The following USP6NL variants were observed in gnomAD, a reference collection of about 807,000 sequenced individuals.
USP6NL encodes the protein USP6 N-terminal-like protein.
USP6NL carries 26 observed loss-of-function variants against 61.9 expected under a neutral mutation model. That is an observed-to-expected ratio of 0.42 (90% CI 0.31 to 0.58). The LOEUF is 0.58. USP6NL is among the 20% of genes least tolerant of loss of function. The pLI is 0.16. For missense variants in USP6NL, 1,114 were observed against 1,034.3 expected (o/e 1.08, Z -1.06); for synonymous variants, 432 against 390.1 (o/e 1.11, Z -1.27).
rs1832959903 is a variant in USP6NL, at chr10:11,476,144, T to C, written c.1078+5626A>G. 1.3e-5 allele frequency among the ~76,000 whole-genome samples: 2 copies of C among 152,200 alleles called. No homozygotes were observed. The highest frequency in any genetic ancestry group is 6.5e-5 in the Admixed American group (1 of 15,282). ...TTAAGCCCATAACAAATACAAAATG[T>C]AGCCCTGACTAAGTGCTGGTGAGAA... On this transcript the variant is annotated intron_variant, in intron 14 of 14. Transcript: ENST00000609104. The surrounding 1 kb of genome is among the most constrained non-coding windows in gnomAD (Gnocchi z 4.3).
At chr10:11,526,477 G>T (rs2133399920) in intron 3 of USP6NL, among the ~76,000 whole-genome samples, 1 of 152,296 alleles carries the variant, frequency 6.6e-6, no homozygotes, top group East Asian at 1.9e-4. Context: ...AGTGACACTG[G>T]TTTTAAATTA....
At position 11,600,671 on chromosome 10, in the gene USP6NL, A is replaced by C. The variant is rs1838490134; in HGVS notation, c.-83-2954T>G. The stretch of plus-strand genomic sequence containing the variant: ...AAACACATAAAGGTGAGAAATAAGC[A>C]TTAAAAATGTTTATCAGGCTGGGCA... On this transcript the variant is annotated intron_variant, in intron 1 of 14. Transcript: ENST00000609104. This position sits in a 1 kb window ranked among gnomAD's most constrained non-coding sequence, Gnocchi z 4.1. Among the ~76,000 whole-genome samples the C allele has an allele frequency of 6.6e-6, 1 of 152,236 alleles. No individual in the cohort carries two copies. The highest frequency in any genetic ancestry group is 2.4e-5 in the African/African-American group (1 of 41,466).
In USP6NL at chr10:11,485,031, T is replaced by C; in HGVS notation, c.865A>G (p.Ile289Val). ...TLNLRIWDIY[I>V]FEGERVLTAM... The stretch of plus-strand genomic sequence containing the variant: ...GTAAGAACTCGTTCTCCTTCAAAGA[T>C]GTAGATATCCCATATTCTGAGGTTT... The change falls in exon 13 of 15, where the codon ATC (isoleucine) becomes GTC (valine). Residue 289 changes from isoleucine to valine, a missense_variant. By Grantham distance (29) the Ile-to-Val change is conservative. Coordinates refer to ENST00000609104, the MANE Select transcript of USP6NL (RefSeq NM_014688.5). This position sits in a 1 kb window ranked among gnomAD's most constrained non-coding sequence, Gnocchi z 4.8. 2 of 1,551,356 alleles carry C rather than the reference T, an allele frequency of 1.3e-6. No individual in the cohort carries two copies. The highest frequency in any genetic ancestry group is 1.7e-6 in the Non-Finnish European group (2 of 1,146,958).
At position 11,511,052 on chromosome 10, in the gene USP6NL, G is replaced by A. The variant is rs1432404009; in HGVS notation, c.196-1377C>T. On this transcript the variant is annotated intron_variant, in intron 5 of 14. Transcript: ENST00000609104. This position sits in a 1 kb window ranked among gnomAD's most constrained non-coding sequence, Gnocchi z 4.9. ...ATATGCCTCACCACCACTATTTTTA[G>A]ACCTAAAAGTACATAAAATTCCAAA... 6.6e-6 allele frequency among the ~76,000 whole-genome samples: 1 copy of A among 152,196 alleles called. No individual in the cohort carries two copies. The highest frequency in any genetic ancestry group is 1.5e-5 in the Non-Finnish European group (1 of 68,034).
Position 11,561,821 on chromosome 10 carries a change from T to C in USP6NL, c.5-34254A>G, listed in dbSNP as rs1347662356. ...CCAATTTGTTCTCTTACCAACAATA[T>C]GTGAGCACCTTTTTCATCACATTGA... On this transcript the variant is annotated intron_variant, in intron 2 of 14. Coordinates refer to ENST00000609104, the MANE Select transcript of USP6NL (RefSeq NM_014688.5). The surrounding 1 kb of genome is among the most constrained non-coding windows in gnomAD (Gnocchi z 4.1). Among the ~76,000 whole-genome samples, 1 of 152,256 alleles carries C rather than the reference T, an allele frequency of 6.6e-6. No homozygotes were observed. Among genetic ancestry groups the C allele is most frequent in the Admixed American group, 6.5e-5 (1 of 15,286 alleles).
intron 2 of USP6NL, among the ~76,000 whole-genome samples, chr10:11,560,333 C>T (rs1189838482): frequency 6.6e-6 from 1 of 152,002 alleles, no homozygotes; most frequent in Admixed American, 6.6e-5. Flanking sequence ...GGATCAGAAA[C>T]ATCACTCAGC....
At chr10:11,556,444 G>A (rs1035335377) in intron 2 of USP6NL, among the ~76,000 whole-genome samples, 5 of 152,082 alleles carry the variant, frequency 3.3e-5, no homozygotes, top group Non-Finnish European at 1.5e-5. Flanking sequence ...AATAACATAT[G>A]TAAACAGACT....
In USP6NL at chr10:11,508,059, T is replaced by C. The variant is rs555488648; in HGVS notation, c.276+1536A>G. On this transcript the variant is annotated intron_variant, in intron 6 of 14. Coordinates refer to ENST00000609104, the MANE Select transcript of USP6NL (RefSeq NM_014688.5). ...GTTGACATAAGATAATCTGTATCTA[T>C]ACAAAAAGGGAAAAGAAAGGATTAT... Among the ~76,000 whole-genome samples the C allele has an allele frequency of 1.0e-3, 154 of 152,264 alleles. 1 individual carries two copies. The highest frequency in any genetic ancestry group is 3.5e-3 in the African/African-American group (146 of 41,566).
chr10:11,484,661 C>A (rs1833382584), intron 13 of USP6NL, among the ~76,000 whole-genome samples: 1 of 152,168 alleles, frequency 6.6e-6, no homozygotes, highest in Non-Finnish European at 1.5e-5. Flanking sequence ...CAAGGGATCC[C>A]AGTGGAAACA....
At chr10:11,566,854 G>A (rs781622195) in intron 2 of USP6NL, among the ~76,000 whole-genome samples, 11 of 152,230 alleles carry the variant, frequency 7.2e-5, no homozygotes, top group Non-Finnish European at 1.0e-4. Flanking sequence ...GCTCACGCCT[G>A]TAATCCCAAA....
rs1838389054 is a variant in USP6NL, at chr10:11,598,104, C to G, written c.-83-387G>C. ...ATCCCTGCTGAGTATATTTTGACTG[C>G]ACATAAATGATTAATGTAAGACTTC... On this transcript the variant is annotated intron_variant, in intron 1 of 14. Coordinates refer to ENST00000609104, the MANE Select transcript of USP6NL (RefSeq NM_014688.5). This position sits in a 1 kb window ranked among gnomAD's most constrained non-coding sequence, Gnocchi z 4.7. Among the ~76,000 whole-genome samples, 1 of 152,140 alleles carries G rather than the reference C, an allele frequency of 6.6e-6. No homozygotes were observed.
In USP6NL at chr10:11,602,873, T is replaced by A. The variant is rs1838588259; in HGVS notation, c.-83-5156A>T. 6.6e-6 allele frequency among the ~76,000 whole-genome samples: 1 copy of A among 152,204 alleles called. No individual in the cohort carries two copies. The highest frequency in any genetic ancestry group is 6.5e-5 in the Admixed American group (1 of 15,280). ...TCATTAGAAATTATTTCAGTTAATATTAAAGTCATTATTCACTAACAGAGA... is the reference window on the plus strand; with the variant it reads ...TCATTAGAAATTATTTCAGTTAATAATAAAGTCATTATTCACTAACAGAGA... On this transcript the variant is annotated intron_variant, in intron 1 of 14. Coordinates refer to ENST00000609104, the MANE Select transcript of USP6NL (RefSeq NM_014688.5). This position sits in a 1 kb window ranked among gnomAD's most constrained non-coding sequence, Gnocchi z 4.8.
intron 2 of USP6NL, among the ~76,000 whole-genome samples, chr10:11,572,678 ATTTT>A (rs1837406687): frequency 6.6e-6 from 1 of 152,092 alleles, no homozygotes; most frequent in Non-Finnish European, 1.5e-5. Context: ...AGTAATCTAC[ATTTT>A]ATATCTGAGT....
intron 14 of USP6NL, among the ~76,000 whole-genome samples, chr10:11,479,475 G>C (rs766214347): frequency 2.0e-5 from 3 of 151,730 alleles, no homozygotes; most frequent in Non-Finnish European, 4.4e-5. Flanking sequence ...TGTGGGCCTA[G>C]GAAAACAGGC....
chr10:11,543,342 T>C lies in USP6NL; in HGVS notation c.5-15775A>G, dbSNP rs568373303. Among the ~76,000 whole-genome samples, 103 of 152,116 alleles carry C rather than the reference T, an allele frequency of 6.8e-4. 1 individual carries two copies. The highest frequency in any genetic ancestry group is 2.4e-3 in the African/African-American group (99 of 41,504). On this transcript the variant is annotated intron_variant, in intron 2 of 14. Transcript: ENST00000609104. The stretch of plus-strand genomic sequence containing the variant: ...GGATCACAAGGTCAGGAGATCGAGG[T>C]CATCCTGGCTAACACGGTGAAACCC...
intron 2 of USP6NL, among the ~76,000 whole-genome samples, chr10:11,594,787 C>T (rs147065938): frequency 2.0e-5 from 3 of 152,360 alleles, no homozygotes; most frequent in African/African-American, 7.2e-5. Flanking sequence ...TACAAACACC[C>T]AAGGTAGTGC....
rs1435960419 is a variant in USP6NL at position 11,487,068 on chromosome 10, C to T, written c.665-1157G>A. Among the ~76,000 whole-genome samples, 1 of 151,550 alleles carries T rather than the reference C, an allele frequency of 6.6e-6. No individual in the cohort carries two copies. The highest frequency in any genetic ancestry group is 1.5e-5 in the Non-Finnish European group (1 of 67,872). ...TTCATTAAAAAAAAAAAATCCGTATCTATCAGTGCCACTTTCATAGTCAAT... is the reference window on the plus strand; with the variant it reads ...TTCATTAAAAAAAAAAAATCCGTATTTATCAGTGCCACTTTCATAGTCAAT... On this transcript the variant is annotated intron_variant, in intron 10 of 14. Transcript: ENST00000609104. This position sits in a 1 kb window ranked among gnomAD's most constrained non-coding sequence, Gnocchi z 4.2.
intron 14 of USP6NL, among the ~76,000 whole-genome samples, chr10:11,471,636 C>T (rs569537963): frequency 1.0e-3 from 158 of 152,270 alleles, no homozygotes; most frequent in Non-Finnish European, 2.0e-3. Context: ...CCACGGAATA[C>T]TATGCAGCCA....
At chr10:11,546,301 T>A (rs1270242695) in intron 2 of USP6NL, among the ~76,000 whole-genome samples, 1 of 152,240 alleles carries the variant, frequency 6.6e-6, no homozygotes, top group African/African-American at 2.4e-5. Context: ...GAGAAGTTAA[T>A]GACTTAATTA....
Sources: allele counts gnomAD v4.1 joint callset (sites outside exome capture counted in the v4.1 genomes callset), GRCh38; gene constraint gnomAD v4.1.1; non-coding constraint Gnocchi (gnomAD v3.1); transcripts MANE v1.5; gene names NCBI Gene and HGNC (gene_info 2026-07-23, HGNC 2026-07-21).